The following ICE1 variants were observed in gnomAD, a reference collection of about 807,000 sequenced individuals.
ICE1 encodes the protein little elongation complex subunit 1.
A neutral mutation model predicts 192.7 loss-of-function variants in ICE1; 64 were observed. That is an observed-to-expected ratio of 0.33 (90% confidence interval 0.27 to 0.41). ICE1 has a LOEUF of 0.41. Among genes scored for constraint, ICE1 ranks in the 10% least tolerant of loss-of-function variants. ICE1 has a pLI of 1.00. For synonymous variants in ICE1, 1,010 were observed against 984.5 expected (o/e 1.03, Z -0.49); for missense variants, 2,708 against 2,696.0 (o/e 1.00, Z -0.10).
rs1329448263 is a variant in ICE1 at position 5,468,935 on chromosome 5, C to T, written c.6169C>T (p.Arg2057Cys). Residue 2057 changes from arginine (R) to cysteine (C), a missense_variant, in exon 15 of 19, where the codon CGT becomes TGT. Coordinates refer to ENST00000296564, the MANE Select transcript of ICE1 (RefSeq NM_015325.3). ...AGCAATGCAGTTAGTTGCCAGGCAACGTGCTAAAGGAGAGGTTCTGAACTG... is the reference window on the plus strand; with the variant it reads ...AGCAATGCAGTTAGTTGCCAGGCAATGTGCTAAAGGAGAGGTTCTGAACTG... ...NKAMQLVARQ[R>C]AKGEVLNCLR... The T allele has an allele frequency of 5.6e-6, 9 of 1,606,112 alleles. No homozygotes were observed. Among genetic ancestry groups the T allele is most frequent in the African/African-American group, 1.3e-5 (1 of 74,582 alleles).
chr5:5,441,197 T>G lies in ICE1; in HGVS notation c.283T>G (p.Leu95Val), dbSNP rs1033025434. The change falls in exon 5 of 19, where the codon TTA becomes GTA. Residue 95 changes from leucine to valine, a missense_variant. Around this residue, in one of 2 missense-constraint regions of ICE1, gnomAD observed 2,366 missense variants for 2,276.6 expected, o/e 1.04. Coordinates refer to ENST00000296564, the MANE Select transcript of ICE1 (RefSeq NM_015325.3). ...LQKCQEELGS[L>V]KAELEEKKSS... ...GAAATGTCAGGAAGAACTGGGATCT[T>G]TAAAAGCAGAGCTAGAAGAGAAAAA... The G allele has an allele frequency of 3.8e-6, 6 of 1,560,228 alleles. No homozygotes were observed. The African/African-American group carries it at 8.2e-5, about 21-fold the overall frequency.
Position 5,462,016 on chromosome 5 carries a change from C to G in ICE1, c.2682C>G (p.Asn894Lys). 1 of 1,613,934 alleles carries G rather than the reference C, an allele frequency of 6.2e-7. No individual in the cohort carries two copies. Among genetic ancestry groups the G allele is most frequent in the South Asian group, 1.1e-5 (1 of 91,086 alleles). The change falls in exon 13 of 19, where the codon AAC becomes AAG. Residue 894 changes from asparagine to lysine, a missense_variant. Around this residue, in one of 2 missense-constraint regions of ICE1, gnomAD observed 2,366 missense variants for 2,276.6 expected, o/e 1.04. Coordinates refer to ENST00000296564, the MANE Select transcript of ICE1 (RefSeq NM_015325.3). ...EPTLVTENSG[N>K]KTGMSTVAKC... is the part of the protein sequence containing the mutation. ...CCTTAGTAACAGAAAATAGTGGCAACAAAACCGGTATGTCAACTGTAGCAA... is the reference window on the plus strand; with the variant it reads ...CCTTAGTAACAGAAAATAGTGGCAAGAAAACCGGTATGTCAACTGTAGCAA...
At chr5:5,460,210 G>A (rs941347717) in intron 12 of ICE1, among the ~76,000 whole-genome samples, 2 of 152,158 alleles carry the variant, frequency 1.3e-5, no homozygotes, top group African/African-American at 4.8e-5. Flanking sequence ...TATTGGGGGA[G>A]GTGTCTCTGC....
At position 5,460,720 on chromosome 5, in the gene ICE1, A is replaced by G. The variant is rs766102202; in HGVS notation, c.1386A>G (p.Lys462=). The G allele has an allele frequency of 6.2e-7, 1 of 1,613,988 alleles. No homozygotes were observed. Among genetic ancestry groups the G allele is most frequent in the Non-Finnish European group, 8.5e-7 (1 of 1,179,906 alleles). ...SSATHSLVGE[K]HWTTASRSMS... Reference sequence around the variant, plus strand: ...CCACACACTCCTTAGTTGGTGAAAAACACTGGACCACAGCATCTCGATCCA... The same window carrying G: ...CCACACACTCCTTAGTTGGTGAAAAGCACTGGACCACAGCATCTCGATCCA... Residue 462 remains lysine, a synonymous_variant, in exon 13 of 19, where the codon AAA becomes AAG. Coordinates refer to ENST00000296564, the MANE Select transcript of ICE1 (RefSeq NM_015325.3).
intron 5 of ICE1, among the ~76,000 whole-genome samples, chr5:5,441,439 A>C (rs552548995): frequency 6.6e-6 from 1 of 152,234 alleles, no homozygotes; most frequent in African/African-American, 2.4e-5. Context: ...TCAGTTGCTT[A>C]TGCTTTTTGA....
chr5:5,445,826 G>A (rs766309949), intron 7 of ICE1, among the ~76,000 whole-genome samples: 5 of 151,372 alleles, frequency 3.3e-5, no homozygotes, highest in South Asian at 2.1e-4. Flanking sequence ...TCTGTCTCCC[G>A]GGTTCTGCTT....
At chr5:5,467,301 G>A (rs1739016633) in intron 14 of ICE1, among the ~76,000 whole-genome samples, 1 of 152,168 alleles carries the variant, frequency 6.6e-6, no homozygotes, top group Non-Finnish European at 1.5e-5. Flanking sequence ...TGTCCAGTGG[G>A]ACTGACAGGC....
chr5:5,465,412 C>T (rs1402438175), intron 13 of ICE1, among the ~76,000 whole-genome samples, 186 bp downstream of exon 13: 4 of 152,198 alleles, frequency 2.6e-5, no homozygotes, highest in South Asian at 2.1e-4. Context: ...TATGATAAGA[C>T]ACTGGAGATT....
intron 17 of ICE1, among the ~76,000 whole-genome samples, chr5:5,482,290 C>A (rs1259956195): frequency 6.6e-6 from 1 of 151,920 alleles, no homozygotes; most frequent in African/African-American, 2.4e-5. Context: ...CATACTTATA[C>A]AATTAAGACT....
Position 5,475,980 on chromosome 5 carries a change from C to G in ICE1, c.6421C>G (p.Leu2141Val), listed in dbSNP as rs1369645939. The G allele has an allele frequency of 6.3e-7, 1 of 1,598,832 alleles. No homozygotes were observed. Among genetic ancestry groups the G allele is most frequent in the Non-Finnish European group, 8.6e-7 (1 of 1,167,850 alleles). ...WTHDNIISKE[L>V]WPVMDKWIKY... Reference sequence around the variant, plus strand: ...CATGTTGTTTTTTTATAGTAAGGAGCTGTGGCCTGTGATGGATAAATGGAT... The same window carrying G: ...CATGTTGTTTTTTTATAGTAAGGAGGTGTGGCCTGTGATGGATAAATGGAT... The change falls in exon 17 of 19, where the codon CTG becomes GTG. Residue 2141 changes from leucine to valine, a missense_variant. Leu to Val is a conservative substitution (Grantham distance 32, BLOSUM62 1). Around this residue, in one of 2 missense-constraint regions of ICE1, gnomAD observed 342 missense variants for 419.3 expected, o/e 0.82. Transcript: ENST00000296564.
At chr5:5,460,143 G>T (rs1738723238) in intron 12 of ICE1, among the ~76,000 whole-genome samples, 2 of 152,180 alleles carry the variant, frequency 1.3e-5, no homozygotes, top group Non-Finnish European at 1.5e-5. Context: ...ATGTTTGAAA[G>T]TTAAGAGAAA....
intron 3 of ICE1, among the ~76,000 whole-genome samples, chr5:5,438,777 C>T (rs1026509963): frequency 9.2e-5 from 14 of 152,152 alleles, no homozygotes; most frequent in Non-Finnish European, 1.2e-4. Flanking sequence ...CCTTTATTAA[C>T]GGATAACACT....
At chr5:5,432,882 A>G (rs1737762904) in intron 1 of ICE1, among the ~76,000 whole-genome samples, 1 of 152,132 alleles carries the variant, frequency 6.6e-6, no homozygotes, top group South Asian at 2.1e-4. Flanking sequence ...TGCTTGTTTT[A>G]GCCTCTTTCA....
At chr5:5,430,344 A>G (rs780059203) in intron 1 of ICE1, among the ~76,000 whole-genome samples, 8 of 152,264 alleles carry the variant, frequency 5.3e-5, no homozygotes, top group Non-Finnish European at 1.2e-4. Flanking sequence ...CTGACCACAG[A>G]TAATACAGTA....
In ICE1 at chr5:5,422,802, C is replaced by T; in HGVS notation, c.-114C>T. On this transcript the variant is annotated 5_prime_UTR_variant, in exon 1 of 19. Coordinates refer to ENST00000296564, the MANE Select transcript of ICE1 (RefSeq NM_015325.3). Reference sequence around the variant, plus strand: ...TGTGCACGGATGGACCCGCCCGGACCTGGCGGGAAGCGGCCTGGCAGGCGG... The same window carrying T: ...TGTGCACGGATGGACCCGCCCGGACTTGGCGGGAAGCGGCCTGGCAGGCGG... 1 of 725,460 alleles carries T rather than the reference C, an allele frequency of 1.4e-6. No homozygotes were observed. The highest frequency in any genetic ancestry group is 1.9e-6 in the Non-Finnish European group (1 of 531,002). 44.9% of individuals were successfully genotyped at this position (725,460 alleles called of 1,614,324 possible).
rs1309691925 is a variant in ICE1 at position 5,465,205 on chromosome 5, T to C, written c.5871T>C (p.Tyr1957=). The C allele has an allele frequency of 6.3e-7, 1 of 1,581,118 alleles. No homozygotes were observed. The highest frequency in any genetic ancestry group is 8.6e-7 in the Non-Finnish European group (1 of 1,162,428). The part of the protein sequence containing the change: ...VMRDQEKEVV[Y]EFSTTKKHLA... ...GAGATCAAGAGAAGGAAGTTGTTTA[T>C]GAATTTAGCACAACAAAAAAGGTAT... is the stretch of plus-strand genomic sequence containing the variant. Residue 1957 remains tyrosine (Y), a synonymous_variant, in exon 13 of 19, where the codon TAT becomes TAC. Coordinates refer to ENST00000296564, the MANE Select transcript of ICE1 (RefSeq NM_015325.3).
chr5:5,445,120 A>G (rs1165163760), intron 7 of ICE1, among the ~76,000 whole-genome samples: 1 of 152,092 alleles, frequency 6.6e-6, no homozygotes, highest in Non-Finnish European at 1.5e-5. Context: ...TACTTCAGAG[A>G]TGGTTTATGT....
At position 5,446,566 on chromosome 5, in the gene ICE1, G is replaced by A. The variant is rs139616045; in HGVS notation, c.425-861G>A. On this transcript the variant is annotated intron_variant, in intron 7 of 18. Transcript: ENST00000296564. The stretch of plus-strand genomic sequence containing the variant: ...CTCCCAAAGTGCTGGGATCACAGTC[G>A]TGAGCCACTGCAAGGAAACATCTTT... 5.9e-5 allele frequency among the ~76,000 whole-genome samples: 9 copies of A among 152,288 alleles called. No homozygotes were observed. In the East Asian group the frequency reaches 1.3e-3, roughly 23 times the overall value.
At chr5:5,423,708 T>G in intron 1 of ICE1, among the ~76,000 whole-genome samples, 1 of 152,178 alleles carries the variant, frequency 6.6e-6, no homozygotes, top group East Asian at 1.9e-4. Flanking sequence ...TGCCCCTCAT[T>G]TCCCACGACT....
Sources: gnomAD v4.1 joint callset for allele counts (sites outside exome capture counted in the v4.1 genomes callset) on GRCh38, gnomAD v4.1.1 for gene constraint, gnomAD v4.1.1 regional missense constraint, MANE v1.5 for transcripts, NCBI Gene and HGNC (gene_info 2026-07-23, HGNC 2026-07-21) for gene names.